The following CBLB variants were observed in gnomAD, a reference collection of about 807,000 sequenced individuals.
CBLB encodes Cbl proto-oncogene B.
A neutral mutation model predicts 104.9 loss-of-function variants in CBLB; 31 were observed. The observed-to-expected ratio is 0.30, with a 90% confidence interval of 0.22 to 0.40. The LOEUF (loss-of-function observed/expected upper bound fraction) is 0.40, where lower values mean the gene tolerates loss of function less well. Among genes scored for constraint, CBLB ranks in the 10% least tolerant of loss-of-function variants. The pLI is 1.00. For missense variants in CBLB, 1,062 were observed against 1,214.6 expected, an observed-to-expected ratio of 0.87 and a Z score of 1.87; for synonymous variants, 440 against 422.6, an observed-to-expected ratio of 1.04 and a Z score of -0.51.
intron 3 of CBLB, among the ~76,000 whole-genome samples, chr3:105,814,712 G>A (rs757755126): frequency 2.6e-5 from 4 of 151,940 alleles, no homozygotes; most frequent in Non-Finnish European, 4.4e-5. Flanking sequence ...GTTTAGGACC[G>A]TCCTCATTAC....
intron 6 of CBLB, among the ~76,000 whole-genome samples, chr3:105,743,969 T>A (rs1330913064): frequency 6.6e-6 from 1 of 152,116 alleles, no homozygotes; most frequent in East Asian, 1.9e-4. Flanking sequence ...GAGGACATTA[T>A]TCTAGTTTTT....
chr3:105,825,175 G>A (rs764501141), intron 3 of CBLB, among the ~76,000 whole-genome samples: 19 of 152,130 alleles, frequency 1.2e-4, no homozygotes, highest in Non-Finnish European at 2.5e-4. Flanking sequence ...GGCACACTGA[G>A]AGCCTGTAAC....
chr3:105,731,609 A>G (rs1457853947), intron 9 of CBLB, among the ~76,000 whole-genome samples: 1 of 151,776 alleles, frequency 6.6e-6, no homozygotes, highest in Non-Finnish European at 1.5e-5. Flanking sequence ...GCAAACAACT[A>G]TTTTATTATT....
At chr3:105,831,056 T>C (rs1164870636) in intron 3 of CBLB, among the ~76,000 whole-genome samples, 2 of 150,106 alleles carry the variant, frequency 1.3e-5, no homozygotes, top group Admixed American at 6.6e-5. Context: ...AGTAACTTCC[T>C]TTCTTGTTTT....
intron 2 of CBLB, among the ~76,000 whole-genome samples, chr3:105,864,202 T>C (rs7647955): frequency 0.67 from 101,178 of 152,026 alleles, 34,924 homozygotes; most frequent in Middle Eastern, 0.8. Flanking sequence ...ATATAGCCCT[T>C]TCCATACTAC....
At chr3:105,665,406 TAAA>T (rs1559734006) in intron 18 of CBLB, among the ~76,000 whole-genome samples, 1 of 86,896 alleles carries the variant, frequency 1.2e-5, no homozygotes, top group African/African-American at 4.6e-5. Context: ...AATAAATAAA[TAAA>T]TAAATAAATA....
intron 18 of CBLB, among the ~76,000 whole-genome samples, chr3:105,661,032 T>C (rs2063745569): frequency 6.6e-6 from 1 of 151,460 alleles, no homozygotes; most frequent in South Asian, 2.1e-4. Context: ...CGAACTCCTG[T>C]CCTCAGGCAA....
intron 13 of CBLB, 57 bp from the exon 14 acceptor site, chr3:105,685,523 T>G: frequency 7.1e-7 from 1 of 1,403,858 alleles, no homozygotes; most frequent in Non-Finnish European, 1.0e-6. Flanking sequence ...AACAGGCAAG[T>G]CTGATGTGAC....
Position 105,658,236 on chromosome 3 carries a change from A to C in CBLB, c.*734T>G, listed in dbSNP as rs1025923949. On this transcript the variant is annotated 3_prime_UTR_variant, in exon 19 of 19. Transcript: ENST00000394030. ...GAGAATATGGAGGATTAAAGGTTAC[A>C]AAACTTAAACAAAAAAGGGAAGCTC... 1 of 217,508 alleles carries C rather than the reference A, an allele frequency of 4.6e-6. No homozygotes were observed. The highest frequency in any genetic ancestry group is 2.3e-5 in the African/African-American group (1 of 44,444). 13.5% of individuals were successfully genotyped at this position (217,508 alleles called of 1,614,324 possible).
chr3:105,761,570 C>A (rs1312114030), intron 4 of CBLB, among the ~76,000 whole-genome samples: 1 of 152,188 alleles, frequency 6.6e-6, no homozygotes. Flanking sequence ...TCTCTGCTGC[C>A]ATGTAAGATG....
chr3:105,807,294 C>T (rs555405643), intron 3 of CBLB, among the ~76,000 whole-genome samples: 5 of 152,200 alleles, frequency 3.3e-5, no homozygotes, highest in Non-Finnish European at 5.9e-5. Flanking sequence ...CAGTGACTCA[C>T]ACCTGTAATC....
chr3:105,790,831 A>G (rs1480828969), intron 3 of CBLB, among the ~76,000 whole-genome samples: 2 of 152,192 alleles, frequency 1.3e-5, no homozygotes, highest in Admixed American at 1.3e-4. Flanking sequence ...AGTGATGTGT[A>G]TTCAGGAAAG....
At chr3:105,844,642 T>C (rs2090006150) in intron 3 of CBLB, among the ~76,000 whole-genome samples, 1 of 152,184 alleles carries the variant, frequency 6.6e-6, no homozygotes, top group Non-Finnish European at 1.5e-5. Context: ...GACAAAAGAT[T>C]AATATTTTTA....
intron 3 of CBLB, among the ~76,000 whole-genome samples, chr3:105,797,467 AGG>A: frequency 6.6e-6 from 1 of 151,230 alleles, no homozygotes; most frequent in East Asian, 2.0e-4. Flanking sequence ...GAGGAGAGAG[AGG>A]ATCAAAAAAC....
chr3:105,777,555 G>A (rs948695213), intron 3 of CBLB, among the ~76,000 whole-genome samples: 2 of 152,212 alleles, frequency 1.3e-5, no homozygotes, highest in Non-Finnish European at 2.9e-5. Flanking sequence ...CCAGGAGGCA[G>A]AGGTTCAGTG....
chr3:105,835,231 A>G (rs2088275609), intron 3 of CBLB, among the ~76,000 whole-genome samples: 1 of 152,202 alleles, frequency 6.6e-6, no homozygotes, highest in Non-Finnish European at 1.5e-5. Flanking sequence ...ATAGTTCTAA[A>G]AACGAGCTTC....
intron 3 of CBLB, among the ~76,000 whole-genome samples, chr3:105,843,072 G>A (rs1577757628): frequency 6.6e-6 from 1 of 152,150 alleles, no homozygotes; most frequent in East Asian, 1.9e-4. Context: ...TTAATTTACA[G>A]ACTGTCTATG....
At chr3:105,786,997 G>C (rs944376586) in intron 3 of CBLB, among the ~76,000 whole-genome samples, 13 of 152,158 alleles carry the variant, frequency 8.5e-5, no homozygotes, top group African/African-American at 2.9e-4. Context: ...AGATGTCAAT[G>C]GTCTCACAGA....
chr3:105,659,317 T>TA, intron 18 of CBLB, 88 bp from the exon 19 acceptor site: 1 of 1,280,182 alleles, frequency 7.8e-7, no homozygotes, highest in Non-Finnish European at 1.1e-6. Flanking sequence ...TCATTTCCTA[T>TA]GGAAATATTA....
Sources: allele counts gnomAD v4.1 joint callset (sites outside exome capture counted in the v4.1 genomes callset), GRCh38; gene constraint gnomAD v4.1.1; transcripts MANE v1.5; gene names NCBI Gene and HGNC (gene_info 2026-07-23, HGNC 2026-07-21).